SGIP1: variants seen among roughly 807,000 people sequenced by gnomAD.
SGIP1 encodes SH3-containing GRB2-like protein 3-interacting protein 1.
In SGIP1, 38 loss-of-function variants were observed where a neutral mutation model predicts 107.5. The ratio of observed to expected loss-of-function variants is 0.35; its 90% CI spans 0.27 to 0.46. The LOEUF is 0.46. SGIP1 is among the 20% of genes least tolerant of loss of function. The probability of loss-of-function intolerance (pLI) is 1.00; values close to 1 mark genes in which losing one functional copy is unlikely to be tolerated. For missense variants in SGIP1, 929 were observed against 1,019.5 expected, an observed-to-expected ratio of 0.91 and a Z score of 1.21; for synonymous variants, 365 against 366.1, an observed-to-expected ratio of 1.00 and a Z score of 0.03.
At chr1:66,593,791 C>G (rs2064093745) in intron 1 of SGIP1, among the ~76,000 whole-genome samples, 2 of 152,092 alleles carry the variant, frequency 1.3e-5, no homozygotes, top group South Asian at 4.2e-4. Flanking sequence ...AAAAACAAAC[C>G]CAGCTGCGGC....
rs201749111 is a variant in SGIP1 at position 66,625,877 on chromosome 1, G to C, written c.41G>C (p.Gly14Ala). 5.3e-4 allele frequency: 862 copies of C among 1,612,450 alleles called. No homozygotes were observed. Among genetic ancestry groups the C allele is most frequent in the Non-Finnish European group, 7.0e-4 (831 of 1,179,046 alleles). The change falls in exon 2 of 25, where the codon GGA (glycine) becomes GCA (alanine). Residue 14 changes from glycine to alanine, a missense_variant. Gly to Ala is a moderately conservative substitution (Grantham distance 60). Coordinates refer to ENST00000371037, the MANE Select transcript of SGIP1 (RefSeq NM_032291.4). The part of the protein sequence containing the change: ...GLKKRTRKAF[G>A]IRKKEKDTDS... ...AAAAAACGTACAAGGAAGGCCTTTG[G>C]AATACGGAAGAAAGAAAAGGACACT... is the stretch of plus-strand genomic sequence containing the variant.
chr1:66,665,930 A>T (rs551730974), intron 8 of SGIP1: 1 of 151,992 alleles, frequency 6.6e-6, no homozygotes, highest in Non-Finnish European at 1.5e-5. Flanking sequence ...TTGCCTGTTC[A>T]CTCTGATGGT....
chr1:66,652,671 G>T (rs1160289199), intron 7 of SGIP1, among the ~76,000 whole-genome samples: 4 of 151,032 alleles, frequency 2.6e-5, no homozygotes, highest in Admixed American at 6.6e-5. Context: ...CAAAATTCAT[G>T]AATTTGCCGC....
chr1:66,706,910 A>G (rs2092560440), intron 18 of SGIP1, among the ~76,000 whole-genome samples: 1 of 152,170 alleles, frequency 6.6e-6, no homozygotes, highest in Admixed American at 6.6e-5. Flanking sequence ...AGTTGGCTTT[A>G]TTGTGATCAT....
At chr1:66,693,256 T>TAATA (rs3077736) in intron 17 of SGIP1, among the ~76,000 whole-genome samples, 1,995 of 142,646 alleles carry the variant, frequency 0.014, 40 homozygotes, top group African/African-American at 0.036. Flanking sequence ...TTTTTAAAAA[T>TAATA]AATAAATAAA....
chr1:66,566,259 C>T (rs544202192), intron 1 of SGIP1, among the ~76,000 whole-genome samples: 1 of 151,944 alleles, frequency 6.6e-6, no homozygotes, highest in Non-Finnish European at 1.5e-5. Flanking sequence ...TTTTAAAGAT[C>T]GATGTGAATA....
Position 66,682,352 on chromosome 1 carries a change from G to C in SGIP1, c.1298G>C (p.Gly433Ala). 1 of 1,611,392 alleles carries C rather than the reference G, an allele frequency of 6.2e-7. No homozygotes were observed. The highest frequency in any genetic ancestry group is 8.5e-7 in the Non-Finnish European group (1 of 1,179,268). The change falls in exon 15 of 25, where the codon GGT becomes GCT. Residue 433 changes from glycine (G) to alanine (A), a missense_variant. Physicochemically the swap from Gly to Ala is moderately conservative, Grantham distance 60. Coordinates refer to ENST00000371037, the MANE Select transcript of SGIP1 (RefSeq NM_032291.4). ...TCCCCCGGACCTGGCTCGGGCCCTGGTCCGGGGACCACCAGTGGTATGTCT... is the reference window on the plus strand; with the variant it reads ...TCCCCCGGACCTGGCTCGGGCCCTGCTCCGGGGACCACCAGTGGTATGTCT... ...VSSPGPGSGP[G>A]PGTTSGASSP...
At chr1:66,719,814 A>G (rs2093432377) in intron 19 of SGIP1, among the ~76,000 whole-genome samples, 1 of 152,194 alleles carries the variant, frequency 6.6e-6, no homozygotes, top group African/African-American at 2.4e-5. Context: ...CCCACATATA[A>G]ATTAAAACAA....
At chr1:66,551,773 G>A (rs1250197895) in intron 1 of SGIP1, among the ~76,000 whole-genome samples, 1 of 152,090 alleles carries the variant, frequency 6.6e-6, no homozygotes, top group Non-Finnish European at 1.5e-5. Context: ...TTTAGTCAGA[G>A]CATGAAAAAC....
intron 1 of SGIP1, among the ~76,000 whole-genome samples, chr1:66,605,662 A>G (rs1361506297): frequency 6.6e-6 from 1 of 151,888 alleles, no homozygotes; most frequent in African/African-American, 2.4e-5. Flanking sequence ...TTTATAGCCC[A>G]AAACAAGCTG....
At chr1:66,712,747 T>C (rs752342859) in intron 18 of SGIP1, among the ~76,000 whole-genome samples, 2 of 152,174 alleles carry the variant, frequency 1.3e-5, no homozygotes, top group Non-Finnish European at 2.9e-5. Context: ...GTCATACTTC[T>C]GTTAAGAATT....
intron 19 of SGIP1, among the ~76,000 whole-genome samples, chr1:66,726,798 T>A (rs1016696686): frequency 2.0e-5 from 3 of 152,146 alleles, no homozygotes; most frequent in Admixed American, 1.3e-4. Context: ...GATTTTTTTT[T>A]AAACTTCTAG....
At chr1:66,566,581 C>T (rs1053323782) in intron 1 of SGIP1, among the ~76,000 whole-genome samples, 8 of 151,740 alleles carry the variant, frequency 5.3e-5, no homozygotes, top group Non-Finnish European at 8.8e-5. Flanking sequence ...CTCGATGGGT[C>T]TAGTTTTTCA....
intron 17 of SGIP1, among the ~76,000 whole-genome samples, chr1:66,691,922 AG>A (rs2089936999): frequency 6.6e-6 from 1 of 152,192 alleles, no homozygotes; most frequent in South Asian, 2.1e-4. Flanking sequence ...GCACTTTGGG[AG>A]GCCGAGGCGG....
chr1:66,640,921 C>T (rs1386047057), intron 5 of SGIP1, among the ~76,000 whole-genome samples: 1 of 151,690 alleles, frequency 6.6e-6, no homozygotes, highest in Non-Finnish European at 1.5e-5. Flanking sequence ...AAAAAGAAGC[C>T]AAATATGGGA....
chr1:66,533,859 G>A (rs978422764), upstream of SGIP1, among the ~76,000 whole-genome samples: 1 of 152,124 alleles, frequency 6.6e-6, no homozygotes, highest in African/African-American at 2.4e-5. Flanking sequence ...GGCAGCCCTT[G>A]ATAACTAATC....
At chr1:66,549,080 G>C (rs1360057680) in intron 1 of SGIP1, among the ~76,000 whole-genome samples, 1 of 152,164 alleles carries the variant, frequency 6.6e-6, no homozygotes, top group Admixed American at 6.6e-5. Flanking sequence ...CTAACTCTGA[G>C]ACTTGCTGGC....
intron 1 of SGIP1, among the ~76,000 whole-genome samples, chr1:66,614,885 TCTC>T (rs1238775658): frequency 1.4e-5 from 2 of 139,840 alleles, no homozygotes; most frequent in African/African-American, 5.5e-5. Flanking sequence ...AGTGGCGTGA[TCTC>T]AGCTCACCAC....
At chr1:66,740,180 A>G (rs2094402180) in intron 22 of SGIP1, among the ~76,000 whole-genome samples, 1 of 152,198 alleles carries the variant, frequency 6.6e-6, no homozygotes, top group Non-Finnish European at 1.5e-5. Flanking sequence ...ACACTAGAGA[A>G]GGTATGGGAC....
Sources: gnomAD v4.1 joint callset for allele counts (sites outside exome capture counted in the v4.1 genomes callset) on GRCh38, gnomAD v4.1.1 for gene constraint, MANE v1.5 for transcripts, NCBI Gene and HGNC (gene_info 2026-07-23, HGNC 2026-07-21) for gene names.